BPIFB3: variants seen among roughly 807,000 people sequenced by gnomAD.
BPIFB3 encodes the protein BPI fold containing family B member 3.
Under a neutral mutation model 53.1 loss-of-function variants are expected in BPIFB3, and 49 were observed. That is an observed-to-expected ratio of 0.92 (90% CI 0.73 to 1.17). The LOEUF (loss-of-function observed/expected upper bound fraction) is 1.17. BPIFB3 is among the 50% of genes most tolerant of loss of function. The pLI, the probability that BPIFB3 is intolerant of heterozygous loss-of-function variation, is 0.00. For missense variants in BPIFB3, 628 were observed against 592.5 expected (o/e 1.06, Z -0.62); for synonymous variants, 271 against 269.6 (o/e 1.01, Z -0.05).
At chr20:33,070,903 C>G (rs985691098) in intron 11 of BPIFB3, among the ~76,000 whole-genome samples, 2 of 152,138 alleles carry the variant, frequency 1.3e-5, no homozygotes, top group Non-Finnish European at 2.9e-5. Context: ...GAGTTGCTGC[C>G]TTGAGTGAGC....
chr20:33,071,269 G>C (rs144741997), exon 12 of BPIFB3: 2 of 1,565,544 alleles, frequency 1.3e-6, no homozygotes, highest in South Asian at 2.4e-5. Context: ...TGTCAAGGTG[G>C]CCTCCTCCTT....
chr20:33,058,551 GAGTA>G (rs1980311961), intron 2 of BPIFB3, among the ~76,000 whole-genome samples: 1 of 152,136 alleles, frequency 6.6e-6, no homozygotes, highest in Non-Finnish European at 1.5e-5. Flanking sequence ...GCCGGGCAGA[GAGTA>G]AGTGTTGGAT....
At chr20:33,055,900 G>T (rs1267309782) in intron 1 of BPIFB3, among the ~76,000 whole-genome samples, 1 of 152,158 alleles carries the variant, frequency 6.6e-6, no homozygotes, top group Non-Finnish European at 1.5e-5. Context: ...ACTGTACTTG[G>T]CATTTGGTAC....
At chr20:33,064,297 C>T (rs557436314) in intron 6 of BPIFB3, among the ~76,000 whole-genome samples, 160 bp from the exon 8 acceptor site, 10 of 152,270 alleles carry the variant, frequency 6.6e-5, no homozygotes, top group African/African-American at 2.2e-4. Context: ...CTGTCTAAGC[C>T]TCAATTTCCA....
At chr20:33,070,031 C>A in intron 11 of BPIFB3, 76 bp downstream of exon 12, 1 of 1,532,170 alleles carries the variant, frequency 6.5e-7, no homozygotes, top group Non-Finnish European at 9.0e-7. Flanking sequence ...GGATCCGCCT[C>A]CCGTTTCTTG....
chr20:33,069,922 C>G (rs756736457), exon 11 of BPIFB3: 4 of 1,614,110 alleles, frequency 2.5e-6, no homozygotes, highest in Non-Finnish European at 1.7e-6. Context: ...GCTCCCTCGG[C>G]TACCAAGCTG....
chr20:33,068,502 C>T (rs1273256009), intron 9 of BPIFB3, among the ~76,000 whole-genome samples: 1 of 152,160 alleles, frequency 6.6e-6, no homozygotes, highest in Non-Finnish European at 1.5e-5. Context: ...AGGGCAGCAG[C>T]GGGAGGAGAG....
At chr20:33,067,855 G>C (rs1461469056) in intron 9 of BPIFB3, among the ~76,000 whole-genome samples, 1 of 152,206 alleles carries the variant, frequency 6.6e-6, no homozygotes, top group African/African-American at 2.4e-5. Flanking sequence ...TGGCATGTGA[G>C]GGTGGAATCA....
chr20:33,069,450 G>A (rs1440217058), intron 10 of BPIFB3, among the ~76,000 whole-genome samples: 2 of 152,018 alleles, frequency 1.3e-5, no homozygotes, highest in East Asian at 1.9e-4. Flanking sequence ...TGCCTTGCCC[G>A]TCCTTGTCCC....
chr20:33,057,172 G>C (rs1429679932), intron 2 of BPIFB3, among the ~76,000 whole-genome samples: 1 of 152,026 alleles, frequency 6.6e-6, no homozygotes, highest in East Asian at 1.9e-4. Flanking sequence ...GGGACACAGT[G>C]TATGCTCAAA....
intron 2 of BPIFB3, among the ~76,000 whole-genome samples, chr20:33,058,438 T>C (rs921789721): frequency 6.6e-6 from 1 of 152,140 alleles, no homozygotes; most frequent in Non-Finnish European, 1.5e-5. Context: ...GTGGCAGAGC[T>C]GGAGTTTGAA....
chr20:33,073,840 T>C (rs1600547406), downstream of BPIFB3, among the ~76,000 whole-genome samples: 1 of 152,326 alleles, frequency 6.6e-6, no homozygotes, highest in South Asian at 2.1e-4. Context: ...GACTCCTGTA[T>C]CTCGGTATCT....
Position 33,066,822 on chromosome 20 carries a change from A to G in BPIFB3, c.925-2A>G. On this transcript the variant is annotated splice_acceptor_variant, in intron 8 of 14. Coordinates refer to ENST00000375494, the Ensembl canonical transcript of BPIFB3. LOFTEE classifies it high-confidence loss of function. ...CAACCCTCTCTCCCATTGGGGGTCC[A>G]GGTTCCCAGCGATGTCCCACTGACA... The G allele has an allele frequency of 6.2e-7, 1 of 1,614,144 alleles. No homozygotes were observed. Among genetic ancestry groups the G allele is most frequent in the African/African-American group, 1.3e-5 (1 of 75,048 alleles).
intron 5 of BPIFB3, among the ~76,000 whole-genome samples, chr20:33,062,376 TCAGGCCTCCTGACCCCACGGCCTAGCTGG>T (rs955773333): frequency 1.3e-5 from 2 of 152,270 alleles, no homozygotes; most frequent in African/African-American, 4.8e-5. Flanking sequence ...CAAAGGGCAG[TCAGGCCTCCTGACCCCACGGCCTAGCTGG>T]CTCTCCCTGT....
At chr20:33,064,484 C>T (rs1210237366) in exon 7 of BPIFB3, 1 of 1,614,070 alleles carries the variant, frequency 6.2e-7, no homozygotes, top group South Asian at 1.1e-5. Flanking sequence ...GCTCTTGGGT[C>T]CGTGGAATTC....
At chr20:33,071,354 G>A in intron 12 of BPIFB3, 59 bp downstream of exon 13, 1 of 1,534,344 alleles carries the variant, frequency 6.5e-7, no homozygotes, top group Non-Finnish European at 8.8e-7. Context: ...GTGTGGCATG[G>A]AAAGGGGGTG....
At chr20:33,060,885 G>T (rs544141903) in intron 4 of BPIFB3, among the ~76,000 whole-genome samples, 28 of 152,134 alleles carry the variant, frequency 1.8e-4, no homozygotes, top group Non-Finnish European at 3.8e-4. Flanking sequence ...CACTTTCATG[G>T]GACCATGGAG....
At chr20:33,065,523 A>AGAAG (rs374472760) in intron 8 of BPIFB3, among the ~76,000 whole-genome samples, 4,049 of 151,140 alleles carry the variant, frequency 0.027, 68 homozygotes, top group Middle Eastern at 0.068. Flanking sequence ...AAAAAGAGAA[A>AGAAG]GAAGGAAGGA....
intron 2 of BPIFB3, among the ~76,000 whole-genome samples, chr20:33,057,197 C>CT (rs145254822): frequency 0.04 from 6,030 of 151,016 alleles, 409 homozygotes; most frequent in African/African-American, 0.14. Flanking sequence ...TTTTTTTTCC[C>CT]TTTTTTTTTG....
Sources: allele counts gnomAD v4.1 joint callset (sites outside exome capture counted in the v4.1 genomes callset), GRCh38; gene constraint gnomAD v4.1.1; transcripts MANE v1.5; gene names NCBI Gene and HGNC (gene_info 2026-07-23, HGNC 2026-07-21).